The following DSG2 variants were observed in gnomAD, a reference collection of about 807,000 sequenced individuals.
DSG2 encodes the protein desmoglein 2, also known as desmoglein-2.
Under a neutral mutation model 75.6 loss-of-function variants are expected in DSG2, and 45 were observed. That is an observed-to-expected ratio of 0.60 (90% CI 0.47 to 0.76). DSG2 has a LOEUF of 0.76. Ranked by LOEUF, DSG2 falls within the 30% of genes least tolerant of loss-of-function variation. The probability of loss-of-function intolerance (pLI) is 0.00; values close to 1 mark genes in which losing one functional copy is unlikely to be tolerated. For synonymous variants in DSG2, 429 were observed against 483.9 expected, an observed-to-expected ratio of 0.89 and a Z score of 1.49; for missense variants, 1,267 against 1,357.4, an observed-to-expected ratio of 0.93 and a Z score of 1.05.
Position 31,547,342 on chromosome 18 carries a change from A to AGTGTGT in DSG2, c.*607_*612dup, listed in dbSNP as rs36022761. On this transcript the variant is annotated 3_prime_UTR_variant, in exon 15 of 15. Coordinates refer to ENST00000261590, the MANE Select transcript of DSG2 (RefSeq NM_001943.5). ...CATTGTATGTTTCTGTGCACATGAC[A>AGTGTGT]GTGTGTGTGTGTGCACGTACATACT... 2 of 181,850 alleles carry AGTGTGT rather than the reference A, an allele frequency of 1.1e-5. No individual in the cohort carries two copies. Among genetic ancestry groups the AGTGTGT allele is most frequent in the African/African-American group, 4.8e-5 (2 of 41,874 alleles). The allele number at this position is 181,850 out of a possible 1,614,324, so 11.3% of individuals were successfully genotyped here. A position where few individuals can be genotyped will look rare whatever the true frequency, so the allele number is the denominator to read the frequency against.
At chr18:31,498,515 C>T (rs555372672) in intron 1 of DSG2, among the ~76,000 whole-genome samples, 1 of 152,288 alleles carries the variant, frequency 6.6e-6, no homozygotes, top group South Asian at 2.1e-4. Context: ...GAGTAAGTTG[C>T]GACCTATCGA....
At chr18:31,499,399 A>G (rs540262628) in intron 1 of DSG2, among the ~76,000 whole-genome samples, 117 of 151,966 alleles carry the variant, frequency 7.7e-4, no homozygotes, top group African/African-American at 2.6e-3. Flanking sequence ...TCAAAACGGA[A>G]AAAGGCGTGA....
At chr18:31,511,486 T>C (rs2073066649) in intron 1 of DSG2, among the ~76,000 whole-genome samples, 1 of 152,224 alleles carries the variant, frequency 6.6e-6, no homozygotes, top group Non-Finnish European at 1.5e-5. Flanking sequence ...CAGATCCAAA[T>C]TATTTAGAAA....
chr18:31,540,112 GTAA>G (rs1317348943), intron 12 of DSG2, among the ~76,000 whole-genome samples: 2 of 152,010 alleles, frequency 1.3e-5, no homozygotes, highest in African/African-American at 2.4e-5. Context: ...ATATTACAAT[GTAA>G]TAATAATAGA....
rs2144322626 is a variant in DSG2, at chr18:31,524,721, G to A, written c.847G>A (p.Glu283Lys). 1.2e-6 allele frequency: 2 copies of A among 1,614,132 alleles called. No homozygotes were observed. The highest frequency in any genetic ancestry group is 2.2e-5 in the East Asian group (1 of 44,858). ...ENKVLEGMVE[E>K]NQVNVEVTRI... ...TTTGCAGCTTGAAGGGATGGTTGAAGAAAATCAAGTCAACGTAGAAGTTAC... is the reference window on the plus strand; with the variant it reads ...TTTGCAGCTTGAAGGGATGGTTGAAAAAAATCAAGTCAACGTAGAAGTTAC... The change falls in exon 8 of 15, where the codon GAA becomes AAA. Residue 283 changes from glutamate to lysine, a missense_variant. Transcript: ENST00000261590.
At position 31,547,676 on chromosome 18, in the gene DSG2, CAAAAA is replaced by C. The variant is rs368604939; in HGVS notation, c.*940_*944del. The C allele has an allele frequency of 1.5e-5, 2 of 130,126 alleles. No homozygotes were observed. The highest frequency in any genetic ancestry group is 3.3e-5 in the Non-Finnish European group (2 of 59,710). The allele number at this position is 130,126 out of a possible 1,614,324, so 8.1% of individuals were successfully genotyped here. A position where few individuals can be genotyped will look rare whatever the true frequency, so the allele number is the denominator to read the frequency against. On this transcript the variant is annotated 3_prime_UTR_variant, in exon 15 of 15. Coordinates refer to ENST00000261590, the MANE Select transcript of DSG2 (RefSeq NM_001943.5). ...TGGGCAACAGAGTGAGATTCCGTCT[CAAAAA>C]AAAAAAGAAAAGGAAAAAAAAATAG...
intron 12 of DSG2, among the ~76,000 whole-genome samples, chr18:31,540,053 G>T (rs2073256531): frequency 6.6e-6 from 1 of 151,602 alleles, no homozygotes; most frequent in African/African-American, 2.4e-5. Flanking sequence ...ATAAGTTCAG[G>T]GCTCCCACTG....
chr18:31,518,540 A>C (rs1418385221), intron 2 of DSG2, among the ~76,000 whole-genome samples: 1 of 152,236 alleles, frequency 6.6e-6, no homozygotes, highest in Non-Finnish European at 1.5e-5. Flanking sequence ...AAATCGGGGC[A>C]AAATAAGATA....
intron 9 of DSG2, among the ~76,000 whole-genome samples, chr18:31,534,672 G>A (rs1338313358): frequency 2.6e-5 from 4 of 151,878 alleles, no homozygotes; most frequent in Non-Finnish European, 4.4e-5. Flanking sequence ...CACCATGCCC[G>A]GCATTTTTTG....
chr18:31,505,656 CTT>C (rs558578470), intron 1 of DSG2, among the ~76,000 whole-genome samples: 25 of 136,080 alleles, frequency 1.8e-4, no homozygotes, highest in African/African-American at 6.8e-4. Context: ...ATTTTTTTTT[CTT>C]TTTTTTTTTT....
chr18:31,508,353 ATTTATTTTATTTTAT>A (rs199925165), intron 1 of DSG2, among the ~76,000 whole-genome samples: 2,637 of 145,984 alleles, frequency 0.018, 59 homozygotes, highest in African/African-American at 0.059. Context: ...GAACTGCCTG[ATTTATTTTATTTTAT>A]TTTATTTTAT....
In DSG2 at chr18:31,545,848, T is replaced by C. The variant is rs1219844860; in HGVS notation, c.2462T>C (p.Leu821Pro). 2 of 1,614,184 alleles carry C rather than the reference T, an allele frequency of 1.2e-6. No individual in the cohort carries two copies. The highest frequency in any genetic ancestry group is 1.6e-4 in the Middle Eastern group (1 of 6,062). ...TGTTGCAGTTTTATTGAAGGAGAGCTAGATGACCGCTTCTTAGATGATTTG... is the reference window on the plus strand; with the variant it reads ...TGTTGCAGTTTTATTGAAGGAGAGCCAGATGACCGCTTCTTAGATGATTTG... ...IGCCSFIEGE[L>P]DDRFLDDLGL... Residue 821 changes from leucine (L) to proline (P), a missense_variant, in exon 15 of 15, where the codon CTA becomes CCA. By Grantham distance (98) the Leu-to-Pro change is moderately conservative (BLOSUM62 -3). Coordinates refer to ENST00000261590, the MANE Select transcript of DSG2 (RefSeq NM_001943.5).
intron 1 of DSG2, among the ~76,000 whole-genome samples, chr18:31,505,646 ATTTTTTTTTCTTTTTT>A (rs1285449702): frequency 1.4e-5 from 2 of 145,842 alleles, no homozygotes; most frequent in African/African-American, 2.6e-5. Flanking sequence ...TTAAGTAGTA[ATTTTTTTTTCTTTTTT>A]TTTTTTTTTC....
intron 11 of DSG2, 104 bp from the exon 12 acceptor site, chr18:31,538,647 G>T (rs2073246632): frequency 9.5e-6 from 9 of 945,252 alleles, no homozygotes; most frequent in Non-Finnish European, 1.5e-5. Flanking sequence ...GTACCTAATT[G>T]GAGTTAAATA....
intron 8 of DSG2, among the ~76,000 whole-genome samples, chr18:31,527,804 G>A (rs1212259040): frequency 1.3e-5 from 2 of 152,216 alleles, no homozygotes; most frequent in Non-Finnish European, 2.9e-5. Context: ...TCACAGTTCT[G>A]GAGGCTGGAA....
Position 31,538,806 on chromosome 18 carries a change from G to A in DSG2, c.1707G>A (p.Gln569=). The change falls in exon 12 of 15, where the codon CAG becomes CAA. Residue 569 remains glutamine, a synonymous_variant. Transcript: ENST00000261590. ...AAAAGCTTGGGAGAAGTGAAATTCA[G>A]TTCCTGATTTCAGACAATCAGGGTT... The part of the protein sequence containing the change: ...SEKKLGRSEI[Q]FLISDNQGFS... 6.2e-7 allele frequency: 1 copy of A among 1,614,196 alleles called. No homozygotes were observed. The highest frequency in any genetic ancestry group is 2.2e-5 in the East Asian group (1 of 44,884).
At chr18:31,532,418 A>C (rs921318863) in intron 9 of DSG2, among the ~76,000 whole-genome samples, 1 of 152,174 alleles carries the variant, frequency 6.6e-6, no homozygotes, top group Non-Finnish European at 1.5e-5. Context: ...CTCCAACATA[A>C]GAATTTCCGA....
chr18:31,545,715 T>G lies in DSG2; in HGVS notation c.2335-6T>G. The G allele has an allele frequency of 6.2e-7, 1 of 1,613,098 alleles. No individual in the cohort carries two copies. The highest frequency in any genetic ancestry group is 8.5e-7 in the Non-Finnish European group (1 of 1,180,016). Reference sequence around the variant, plus strand: ...TTGTGTTTGTTTTGTTTTGTTTTCATTTTAGAAAGCGGCCTCTTACACTGA... The same window carrying G: ...TTGTGTTTGTTTTGTTTTGTTTTCAGTTTAGAAAGCGGCCTCTTACACTGA... On this transcript the variant is annotated splice_polypyrimidine_tract_variant and splice_region_variant and intron_variant, in intron 14 of 14. Coordinates refer to ENST00000261590, the MANE Select transcript of DSG2 (RefSeq NM_001943.5).
intron 1 of DSG2, among the ~76,000 whole-genome samples, 168 bp downstream of exon 1, chr18:31,498,464 C>T (rs1297630395): frequency 6.6e-6 from 1 of 152,190 alleles, no homozygotes; most frequent in Admixed American, 6.5e-5. Context: ...CGGCGAGATC[C>T]GACCTGGGGC....
Sources: allele counts gnomAD v4.1 joint callset (sites outside exome capture counted in the v4.1 genomes callset), GRCh38; gene constraint gnomAD v4.1.1; transcripts MANE v1.5; gene names NCBI Gene and HGNC (gene_info 2026-07-23, HGNC 2026-07-21).